The following NOL4L variants were observed in gnomAD, a reference collection of about 807,000 sequenced individuals.
NOL4L encodes nucleolar protein 4-like.
In NOL4L, 7 loss-of-function variants were observed where a neutral mutation model predicts 64.5. That is an observed-to-expected ratio of 0.11 (90% CI 0.06 to 0.20). The LOEUF (loss-of-function observed/expected upper bound fraction) is 0.20. NOL4L is among the 10% of genes least tolerant of loss of function. NOL4L has a pLI of 1.00. For missense variants in NOL4L, 680 were observed against 967.1 expected (o/e 0.70, Z 3.94); for synonymous variants, 413 against 401.0 (o/e 1.03, Z -0.36).
At chr20:32,566,863 G>T (rs892596212) in intron 1 of NOL4L, among the ~76,000 whole-genome samples, 5 of 152,214 alleles carry the variant, frequency 3.3e-5, no homozygotes, top group African/African-American at 1.2e-4. Context: ...CTGTCAGCCT[G>T]CCCTAGAACG....
intron 1 of NOL4L, among the ~76,000 whole-genome samples, chr20:32,550,749 G>T (rs996818836): frequency 6.6e-6 from 1 of 152,114 alleles, no homozygotes; most frequent in African/African-American, 2.4e-5. Context: ...GTGTGGTGGC[G>T]TGTGCCTGTA....
At chr20:32,483,139 C>T (rs2015848006) in intron 4 of NOL4L, among the ~76,000 whole-genome samples, 1 of 149,742 alleles carries the variant, frequency 6.7e-6, no homozygotes, top group Non-Finnish European at 1.5e-5. Context: ...CTCACCCGCC[C>T]CCCGCCCCAG....
chr20:32,554,233 A>T (rs1346473523), intron 1 of NOL4L, among the ~76,000 whole-genome samples: 2 of 149,112 alleles, frequency 1.3e-5, no homozygotes, highest in Non-Finnish European at 3.0e-5. Context: ...AGGCAGGAGA[A>T]TGGCATGAAC....
chr20:32,514,229 C>T (rs1313523434), intron 3 of NOL4L, among the ~76,000 whole-genome samples: 1 of 152,162 alleles, frequency 6.6e-6, no homozygotes, highest in Non-Finnish European at 1.5e-5. Context: ...TGGTGGCTCA[C>T]ACCTGTAATC....
intron 4 of NOL4L, among the ~76,000 whole-genome samples, chr20:32,496,990 A>C (rs1245513774): frequency 6.8e-6 from 1 of 148,090 alleles, no homozygotes; most frequent in Non-Finnish European, 1.5e-5. Context: ...ATCCACACCC[A>C]GTCACCCCGA....
chr20:32,575,130 C>G (rs754284458), intron 1 of NOL4L, among the ~76,000 whole-genome samples: 27 of 152,114 alleles, frequency 1.8e-4, no homozygotes, highest in Non-Finnish European at 3.5e-4. Context: ...AAAACCCCAA[C>G]GTGACCTTAG....
At chr20:32,473,726 C>T (rs921310706) in intron 5 of NOL4L, among the ~76,000 whole-genome samples, 6 of 152,122 alleles carry the variant, frequency 3.9e-5, no homozygotes, top group East Asian at 1.9e-4. Flanking sequence ...CTTTTTAATC[C>T]GCACCTCCCT....
At chr20:32,497,253 T>A (rs1254386459) in intron 4 of NOL4L, among the ~76,000 whole-genome samples, 1 of 4,302 alleles carries the variant, frequency 2.3e-4, no homozygotes, top group Non-Finnish European at 4.2e-4. Flanking sequence ...ACCCGCCCCA[T>A]GGAGTCAGGT....
intron 1 of NOL4L, among the ~76,000 whole-genome samples, chr20:32,556,985 A>G (rs2145609303): frequency 6.6e-6 from 1 of 152,278 alleles, no homozygotes; most frequent in South Asian, 2.1e-4. Context: ...AATCAGGTAG[A>G]CCCGATTTTA....
At chr20:32,485,073 AAAAAAAAAAAAAAAC>A in intron 4 of NOL4L, among the ~76,000 whole-genome samples, 1 of 147,478 alleles carries the variant, frequency 6.8e-6, no homozygotes, top group Non-Finnish European at 1.5e-5. Flanking sequence ...AAAAAAAAAA[AAAAAAAAAAAAAAAC>A]AACTAAAAAA....
intron 3 of NOL4L, among the ~76,000 whole-genome samples, chr20:32,515,133 G>A (rs6119878): frequency 6.6e-6 from 1 of 152,248 alleles, no homozygotes. Context: ...ACCCTTGGGA[G>A]GCGTGAGAAG....
chr20:32,458,421 G>A (rs1304565668), intron 5 of NOL4L, among the ~76,000 whole-genome samples: 2 of 152,198 alleles, frequency 1.3e-5, no homozygotes, highest in African/African-American at 2.4e-5. Context: ...CTTGCTGCCC[G>A]GCCCTGCCAG....
At chr20:32,539,511 T>C (rs907066443) in intron 1 of NOL4L, among the ~76,000 whole-genome samples, 4 of 152,192 alleles carry the variant, frequency 2.6e-5, no homozygotes, top group Admixed American at 2.0e-4. Context: ...GTGATGACCT[T>C]GCACATGGTG....
intron 4 of NOL4L, among the ~76,000 whole-genome samples, chr20:32,478,016 C>T (rs1466355091): frequency 1.3e-5 from 2 of 152,322 alleles, no homozygotes; most frequent in African/African-American, 4.8e-5. Context: ...ATAACTGCCC[C>T]TGCGAGGCCC....
chr20:32,470,755 G>A (rs574450608), intron 5 of NOL4L, among the ~76,000 whole-genome samples: 2 of 152,366 alleles, frequency 1.3e-5, no homozygotes, highest in South Asian at 4.1e-4. Context: ...CATGGCCCTG[G>A]GCCCCAAGGA....
chr20:32,450,782 G>C (rs558959520), intron 10 of NOL4L, among the ~76,000 whole-genome samples: 18 of 152,298 alleles, frequency 1.2e-4, no homozygotes, highest in African/African-American at 2.6e-4. Context: ...CCATGTGTAG[G>C]GGGGGCAGGG....
intron 1 of NOL4L, among the ~76,000 whole-genome samples, chr20:32,565,581 T>C (rs1979379741): frequency 6.6e-6 from 1 of 152,182 alleles, no homozygotes; most frequent in Non-Finnish European, 1.5e-5. Context: ...TGCCTCACTG[T>C]CAGCCTGGGC....
At chr20:32,567,117 G>T (rs1015315341) in intron 1 of NOL4L, among the ~76,000 whole-genome samples, 6 of 152,206 alleles carry the variant, frequency 3.9e-5, no homozygotes, top group South Asian at 2.1e-4. Flanking sequence ...AGAATCAGGG[G>T]TGCAGGAGCC....
chr20:32,478,749 G>A (rs528005418), intron 4 of NOL4L, among the ~76,000 whole-genome samples: 4 of 152,226 alleles, frequency 2.6e-5, no homozygotes, highest in African/African-American at 7.2e-5. Context: ...ATACCACCAC[G>A]CCTGGCTAAC....
Sources: allele counts gnomAD v4.1 joint callset (sites outside exome capture counted in the v4.1 genomes callset), GRCh38; gene constraint gnomAD v4.1.1; transcripts MANE v1.5; gene names NCBI Gene and HGNC (gene_info 2026-07-23, HGNC 2026-07-21).